Variants in DCHS1 observed in about 807,000 individuals in gnomAD.
The protein encoded by DCHS1 is dachsous cadherin-related 1.
Under a neutral mutation model 213.9 loss-of-function variants are expected in DCHS1, and 78 were observed. The ratio of observed to expected loss-of-function variants is 0.36; its 90% CI spans 0.30 to 0.44. DCHS1 has a LOEUF of 0.44. DCHS1 is among the 20% of genes least tolerant of loss of function. The pLI, the probability that DCHS1 is intolerant of heterozygous loss-of-function variation, is 1.00. For synonymous variants in DCHS1, 1,828 were observed against 1,873.7 expected (o/e 0.98, Z 0.63); for missense variants, 3,946 against 4,395.9 (o/e 0.90, Z 2.89).
Position 6,622,369 on chromosome 11 carries a change from C to A in DCHS1, c.9307G>T (p.Gly3103Ter). ...CCCTCCTCTCTGTAGAGAGTGGCTCCTGCACCTGGCAGCAGCAGCCCTGCC... is the reference window on the plus strand; with the variant it reads ...CCCTCCTCTCTGTAGAGAGTGGCTCATGCACCTGGCAGCAGCAGCCCTGCC... ...RKAGLLLPGA[G>*]ATLYREEGPP... The change falls in exon 21 of 21, where the codon GGA becomes TGA. Residue 3103 changes from glycine (G) to a stop codon, truncating the protein, a stop_gained. Transcript: ENST00000299441. LOFTEE classifies it high-confidence loss of function. This position sits in a 1 kb window ranked among gnomAD's most constrained non-coding sequence, Gnocchi z 5.4. 1 of 1,572,838 alleles carries A rather than the reference C, an allele frequency of 6.4e-7. No individual in the cohort carries two copies. Among genetic ancestry groups the A allele is most frequent in the African/African-American group, 1.3e-5 (1 of 74,166 alleles).
chr11:6,643,850 CT>C (rs1175769917), intron 1 of DCHS1, among the ~76,000 whole-genome samples: 3 of 152,186 alleles, frequency 2.0e-5, no homozygotes, highest in African/African-American at 7.2e-5. Flanking sequence ...CCCTCCATTC[CT>C]TTTCCTGTGA....
chr11:6,623,844 A>T lies in DCHS1; in HGVS notation c.7832T>A (p.Val2611Glu). 1.2e-6 allele frequency: 2 copies of T among 1,612,676 alleles called. No homozygotes were observed. The highest frequency in any genetic ancestry group is 1.7e-6 in the Non-Finnish European group (2 of 1,178,800). Residue 2611 changes from valine (V) to glutamate (E), a missense_variant, in exon 21 of 21, where the codon GTA becomes GAA. This residue lies in a region of DCHS1 where 3,384 missense variants were observed against 3,780.1 expected (regional missense o/e 0.90). Coordinates refer to ENST00000299441, the MANE Select transcript of DCHS1 (RefSeq NM_003737.4). ...AGCTCCAACAGGTGTGTCCTCAGGT[A>T]CTGTCACACGGTAGGATGCTCGGGT... ...VFTRASYRVTVPEDTPVGAEL... is the reference protein window; with the variant it reads ...VFTRASYRVTEPEDTPVGAEL...
In DCHS1 at chr11:6,625,069, G is replaced by T; in HGVS notation, c.7146+129C>A. ...TGCAAAACCAGGATGTAGTTCACAGGACTTGGGACCTTCCCATTCCCAGAT... is the reference window on the plus strand; with the variant it reads ...TGCAAAACCAGGATGTAGTTCACAGTACTTGGGACCTTCCCATTCCCAGAT... On this transcript the variant is annotated intron_variant, in intron 19 of 20. Coordinates refer to ENST00000299441, the MANE Select transcript of DCHS1 (RefSeq NM_003737.4). This position sits in a 1 kb window ranked among gnomAD's most constrained non-coding sequence, Gnocchi z 5.3. 1 of 1,409,552 alleles carries T rather than the reference G, an allele frequency of 7.1e-7. No individual in the cohort carries two copies. Among genetic ancestry groups the T allele is most frequent in the Non-Finnish European group, 9.6e-7 (1 of 1,043,124 alleles). 87.3% of individuals were successfully genotyped at this position (1,409,552 alleles called of 1,614,324 possible). A position where few individuals can be genotyped will look rare whatever the true frequency, so the allele number is the denominator to read the frequency against.
intron 1 of DCHS1, among the ~76,000 whole-genome samples, chr11:6,651,626 C>T (rs1856243533): frequency 6.6e-6 from 1 of 151,992 alleles, no homozygotes; most frequent in Non-Finnish European, 1.5e-5. Context: ...AGTTAGGAGG[C>T]TCTTGCAAAA....
Position 6,624,177 on chromosome 11 carries a change from G to C in DCHS1, c.7499C>G (p.Thr2500Ser), listed in dbSNP as rs374127779. 3 of 1,613,106 alleles carry C rather than the reference G, an allele frequency of 1.9e-6. No homozygotes were observed. The African/African-American group carries it at 4.0e-5, about 22-fold the overall frequency. The change falls in exon 21 of 21, where the codon ACT (threonine) becomes AGT (serine). Residue 2500 changes from threonine to serine, a missense_variant. Around this residue, in one of 3 missense-constraint regions of DCHS1, gnomAD observed 3,384 missense variants for 3,780.1 expected, o/e 0.90. Transcript: ENST00000299441. ...AVTEDLPPGS[T>S]LLTLEATDAD... ...ATCTGTAGCCTCCAGGGTGAGCAGAGTGGAGCCAGGGGGCAGGTCTTCAGT... is the reference window on the plus strand; with the variant it reads ...ATCTGTAGCCTCCAGGGTGAGCAGACTGGAGCCAGGGGGCAGGTCTTCAGT...
At chr11:6,624,926 C>A in intron 19 of DCHS1, 58 bp from the exon 20 acceptor site, 1 of 1,602,474 alleles carries the variant, frequency 6.2e-7, no homozygotes, top group Admixed American at 1.7e-5. Context: ...GCTGTCCATG[C>A]AGCCTGTTCT....
Position 6,627,059 on chromosome 11 carries a change from C to G in DCHS1, c.5980G>C (p.Gly1994Arg). 1 of 1,613,580 alleles carries G rather than the reference C, an allele frequency of 6.2e-7. No homozygotes were observed. Among genetic ancestry groups the G allele is most frequent in the Non-Finnish European group, 8.5e-7 (1 of 1,179,790 alleles). The change falls in exon 14 of 21, where the codon GGT becomes CGT. Residue 1994 changes from glycine to arginine, a missense_variant. Transcript: ENST00000299441. This position sits in a 1 kb window ranked among gnomAD's most constrained non-coding sequence, Gnocchi z 5.4. ...ATLRAEDRDAGANASILYRLA... is the reference protein window; with the variant it reads ...ATLRAEDRDARANASILYRLA... ...CGGTACAGAATGGAAGCATTGGCAC[C>G]AGCATCACGATCTTCAGCTCTCAGT...
intron 1 of DCHS1, among the ~76,000 whole-genome samples, chr11:6,653,427 T>C (rs1856273235): frequency 6.6e-6 from 1 of 152,246 alleles, no homozygotes; most frequent in Admixed American, 6.5e-5. Flanking sequence ...ATAAGGACCA[T>C]GTCCATTTTG....
intron 2 of DCHS1, among the ~76,000 whole-genome samples, chr11:6,638,110 G>C (rs908033578): frequency 3.3e-5 from 5 of 152,194 alleles, no homozygotes; most frequent in Admixed American, 1.3e-4. Flanking sequence ...AAGAGTGGGT[G>C]GTGGAGCTGC....
At chr11:6,647,381 A>G (rs1339213792) in intron 1 of DCHS1, among the ~76,000 whole-genome samples, 1 of 152,088 alleles carries the variant, frequency 6.6e-6, no homozygotes, top group African/African-American at 2.4e-5. Context: ...AGGGAGGAGG[A>G]GACAGCTAAC....
intron 1 of DCHS1, among the ~76,000 whole-genome samples, chr11:6,651,417 T>C (rs1856240782): frequency 6.6e-6 from 1 of 152,136 alleles, no homozygotes. Flanking sequence ...GGGCAGGTGA[T>C]GAGACTGGGA....
chr11:6,640,257 G>T lies in DCHS1; in HGVS notation c.1357C>A (p.Arg453=), dbSNP rs191332618. 1.2e-6 allele frequency: 2 copies of T among 1,610,240 alleles called. No individual in the cohort carries two copies. The highest frequency in any genetic ancestry group is 1.7e-4 in the Middle Eastern group (1 of 6,058). The change falls in exon 2 of 21, where the codon CGG becomes AGG. Residue 453 remains arginine (R), a synonymous_variant. Coordinates refer to ENST00000299441, the MANE Select transcript of DCHS1 (RefSeq NM_003737.4). This position sits in a 1 kb window ranked among gnomAD's most constrained non-coding sequence, Gnocchi z 6.5. The stretch of plus-strand genomic sequence containing the variant: ...TGCAGCACAAAGGCAGCCTCAGCCC[G>T]CAGTGGAGGTGAGCCTGAGTCTGTG... ...TATDSGSPPL[R]AEAAFVLHVT...
In DCHS1 at chr11:6,631,828, G is replaced by A. The variant is rs759875346; in HGVS notation, c.3482-19C>T. 1.7e-5 allele frequency: 26 copies of A among 1,511,230 alleles called. No homozygotes were observed. The Middle Eastern group carries it at 5.4e-4, about 31-fold the overall frequency. The allele number at this position is 1,511,230 out of a possible 1,614,324, so 93.6% of individuals were successfully genotyped here. On this transcript the variant is annotated intron_variant, in intron 6 of 20. Coordinates refer to ENST00000299441, the MANE Select transcript of DCHS1 (RefSeq NM_003737.4). ...ACTTCTCCTGGGAGTGCAAGAAGGCGATCATGTACGAGATGTTTAAGGATG... is the reference window on the plus strand; with the variant it reads ...ACTTCTCCTGGGAGTGCAAGAAGGCAATCATGTACGAGATGTTTAAGGATG...
At chr11:6,651,622 G>C (rs1469047424) in intron 1 of DCHS1, among the ~76,000 whole-genome samples, 3 of 152,164 alleles carry the variant, frequency 2.0e-5, no homozygotes, top group Non-Finnish European at 4.4e-5. Flanking sequence ...GAAAAGTTAG[G>C]AGGCTCTTGC....
In DCHS1 at chr11:6,627,533, T is replaced by C. The variant is rs1855830781; in HGVS notation, c.5506A>G (p.Ser1836Gly). Residue 1836 changes from serine (S) to glycine (G), a missense_variant, in exon 14 of 21, where the codon AGT (serine) becomes GGT (glycine). Ser to Gly is a moderately conservative substitution (Grantham distance 56, BLOSUM62 0). Around this residue, in one of 3 missense-constraint regions of DCHS1, gnomAD observed 3,384 missense variants for 3,780.1 expected, o/e 0.90. Coordinates refer to ENST00000299441, the MANE Select transcript of DCHS1 (RefSeq NM_003737.4). The surrounding 1 kb of genome is among the most constrained non-coding windows in gnomAD (Gnocchi z 5.4). ...EARDGGQPAL[S>G]ATLLLTVTVL... ...GTCACTGTCAAAAGCAGCGTGGCACTGAGAGCTGGCTGGCCTCCATCCCGG... is the reference window on the plus strand; with the variant it reads ...GTCACTGTCAAAAGCAGCGTGGCACCGAGAGCTGGCTGGCCTCCATCCCGG... 6.2e-7 allele frequency: 1 copy of C among 1,612,712 alleles called. No homozygotes were observed. Among genetic ancestry groups the C allele is most frequent in the Admixed American group, 1.7e-5 (1 of 59,916 alleles).
Position 6,623,852 on chromosome 11 carries a change from A to G in DCHS1, c.7824T>C (p.Arg2608=), listed in dbSNP as rs1266594462. The G allele has an allele frequency of 1.2e-6, 2 of 1,611,846 alleles. No individual in the cohort carries two copies. Among genetic ancestry groups the G allele is most frequent in the African/African-American group, 2.7e-5 (2 of 74,908 alleles). Reference sequence around the variant, plus strand: ...CAGGTGTGTCCTCAGGTACTGTCACACGGTAGGATGCTCGGGTAAAGACAG... The same window carrying G: ...CAGGTGTGTCCTCAGGTACTGTCACGCGGTAGGATGCTCGGGTAAAGACAG... The part of the protein sequence containing the change: ...NPPVFTRASY[R]VTVPEDTPVG... The change falls in exon 21 of 21, where the codon CGT becomes CGC. Residue 2608 remains arginine (R), a synonymous_variant. Coordinates refer to ENST00000299441, the MANE Select transcript of DCHS1 (RefSeq NM_003737.4).
chr11:6,635,706 T>C (rs1219989448), intron 2 of DCHS1, among the ~76,000 whole-genome samples: 4 of 152,180 alleles, frequency 2.6e-5, no homozygotes, highest in Admixed American at 1.3e-4. Flanking sequence ...AGACTTCCCC[T>C]ACATCAATCC....
intron 1 of DCHS1, among the ~76,000 whole-genome samples, chr11:6,645,476 T>C (rs1312829399): frequency 6.6e-6 from 1 of 152,224 alleles, no homozygotes; most frequent in African/African-American, 2.4e-5. Context: ...TCATACTCTG[T>C]ATTATAGTTA....
Position 6,640,881 on chromosome 11 carries a change from G to A in DCHS1, c.733C>T (p.Leu245=), listed in dbSNP as rs532507846. The change falls in exon 2 of 21, where the codon CTG becomes TTG. Residue 245 remains leucine (L), a synonymous_variant. Transcript: ENST00000299441. This position sits in a 1 kb window ranked among gnomAD's most constrained non-coding sequence, Gnocchi z 6.5. ...GGGGCATGGTCATTGATGTCCAGCA[G>A]TGTCACGTCCAGCAGGGCCTGGGCC... ...RRAQALLDVT[L]LDINDHAPAF... 1.4e-5 allele frequency: 22 copies of A among 1,614,070 alleles called. No homozygotes were observed. The South Asian group carries it at 2.0e-4, about 14-fold the overall frequency.
Sources: gnomAD v4.1 joint callset for allele counts (sites outside exome capture counted in the v4.1 genomes callset) on GRCh38, gnomAD v4.1.1 for gene constraint, gnomAD v4.1.1 regional missense constraint, Gnocchi (gnomAD v3.1) non-coding constraint, MANE v1.5 for transcripts, NCBI Gene and HGNC (gene_info 2026-07-23, HGNC 2026-07-21) for gene names.